Variants in ZNF445 observed in about 807,000 individuals in gnomAD.
ZNF445 encodes the protein zinc finger protein 445, also known as zinc finger protein 168.
A neutral mutation model predicts 93.9 loss-of-function variants in ZNF445; 19 were observed. The ratio of observed to expected loss-of-function variants is 0.20; its 90% CI spans 0.14 to 0.30. The LOEUF (loss-of-function observed/expected upper bound fraction) is 0.30, where lower values mean the gene tolerates loss of function less well. ZNF445 is among the 10% of genes least tolerant of loss of function. The pLI, the probability that ZNF445 is intolerant of heterozygous loss-of-function variation, is 1.00. For missense variants in ZNF445, 1,058 were observed against 1,259.4 expected, an observed-to-expected ratio of 0.84 and a Z score of 2.42; for synonymous variants, 449 against 446.3, an observed-to-expected ratio of 1.01 and a Z score of -0.08.
chr3:44,442,467 A>AG lies in ZNF445; in HGVS notation c.*4107_*4108insC, dbSNP rs1697824079. ...AGTGTGAATTATCGTTGTTCCACGC[A>AG]CTTACCCACACTTGGGCTTTCAAAA... On this transcript the variant is annotated 3_prime_UTR_variant, in exon 8 of 8. Coordinates refer to ENST00000396077, the MANE Select transcript of ZNF445 (RefSeq NM_181489.6). 6.6e-6 allele frequency: 1 copy of AG among 152,210 alleles called. No individual in the cohort carries two copies. Among genetic ancestry groups the AG allele is most frequent in the East Asian group, 1.9e-4 (1 of 5,194 alleles). 9.4% of individuals were successfully genotyped at this position (152,210 alleles called of 1,614,324 possible).
intron 6 of ZNF445, chr3:44,450,085 C>T (rs1421429251): frequency 9.6e-6 from 3 of 311,466 alleles, no homozygotes; most frequent in Non-Finnish European, 1.9e-5. Context: ...GGATTACAGG[C>T]GTGCGTACCA....
chr3:44,432,181 G>C lies in ZNF445; in HGVS notation c.*14394C>G, dbSNP rs1190734697. On this transcript the variant is annotated 3_prime_UTR_variant, in exon 8 of 8. Transcript: ENST00000396077. ...CCAAAGTGCTGAGATTACAGGCGTTGAGCCACCATGCCCAGCCCTTGAAAT... is the reference window on the plus strand; with the variant it reads ...CCAAAGTGCTGAGATTACAGGCGTTCAGCCACCATGCCCAGCCCTTGAAAT... 1 of 152,110 alleles carries C rather than the reference G, an allele frequency of 6.6e-6. No individual in the cohort carries two copies. 9.4% of individuals were successfully genotyped at this position (152,110 alleles called of 1,614,324 possible). A position where few individuals can be genotyped will look rare whatever the true frequency, so the allele number is the denominator to read the frequency against.
At chr3:44,467,397 G>A (rs1452712311) in intron 1 of ZNF445, among the ~76,000 whole-genome samples, 3 of 152,154 alleles carry the variant, frequency 2.0e-5, no homozygotes, top group Admixed American at 6.5e-5. Flanking sequence ...AAGAATCAAA[G>A]TTGACTTATA....
intron 1 of ZNF445, among the ~76,000 whole-genome samples, chr3:44,461,376 GGAGGATA>G (rs1559397591): frequency 1.6e-5 from 1 of 61,048 alleles, no homozygotes; most frequent in African/African-American, 3.9e-5. Context: ...ACCGAGAATA[GGAGGATA>G]GCTTGGTTAG....
intron 1 of ZNF445, among the ~76,000 whole-genome samples, chr3:44,473,228 C>T (rs1042249219): frequency 6.6e-6 from 1 of 151,972 alleles, no homozygotes; most frequent in African/African-American, 2.4e-5. Context: ...GAGGCTGAGG[C>T]GAGATCATCT....
intron 3 of ZNF445, among the ~76,000 whole-genome samples, chr3:44,452,615 T>A (rs1559394368): frequency 6.6e-6 from 1 of 152,212 alleles, no homozygotes; most frequent in Admixed American, 6.5e-5. Flanking sequence ...TAAAATTACA[T>A]CTAGCTGTAA....
At chr3:44,459,718 A>G (rs554145856) in intron 1 of ZNF445, among the ~76,000 whole-genome samples, 5 of 152,350 alleles carry the variant, frequency 3.3e-5, no homozygotes, top group South Asian at 2.1e-4. Context: ...ATACATATAT[A>G]TTTGGTCTAT....
rs1228604507 is a variant in ZNF445 at position 44,448,211 on chromosome 3, C to A, written c.1460G>T (p.Cys487Phe). 1.9e-6 allele frequency: 3 copies of A among 1,614,064 alleles called. No individual in the cohort carries two copies. Among genetic ancestry groups the A allele is most frequent in the Non-Finnish European group, 2.5e-6 (3 of 1,180,052 alleles). The change falls in exon 8 of 8, where the codon TGC becomes TTC. Residue 487 changes from cysteine to phenylalanine, a missense_variant. Cys to Phe is a radical substitution (Grantham distance 205). Transcript: ENST00000396077. ...ACTGAAAGTCCTTCCACAGTCACTG[C>A]ACTTAAATGACACTCCCACTGTGTG... Reference protein sequence around the residue: ...SLHTVGVSFKCSDCGRTFSHS... With the variant: ...SLHTVGVSFKFSDCGRTFSHS...
chr3:44,475,463 G>A (rs1037283209), intron 1 of ZNF445, among the ~76,000 whole-genome samples: 6 of 151,972 alleles, frequency 3.9e-5, no homozygotes, highest in African/African-American at 1.2e-4. Context: ...GCCTCCCAAA[G>A]TGCTGGGATT....
chr3:44,473,837 GAATAA>G (rs10560481), intron 1 of ZNF445, among the ~76,000 whole-genome samples: 16,526 of 151,184 alleles, frequency 0.11, 930 homozygotes, highest in Middle Eastern at 0.18. Flanking sequence ...CTAGTGCAAA[GAATAA>G]AATAAGTATC....
At position 44,455,582 on chromosome 3, in the gene ZNF445, G is replaced by A. The variant is rs373252160; in HGVS notation, c.-33C>T. ...GTTCAGGGACTAACCAGAAGAGTGCGAACCAAGTCCACCTTAGACGTGGGT... is the reference window on the plus strand; with the variant it reads ...GTTCAGGGACTAACCAGAAGAGTGCAAACCAAGTCCACCTTAGACGTGGGT... On this transcript the variant is annotated 5_prime_UTR_variant, in exon 3 of 8. Transcript: ENST00000396077. 2.4e-5 allele frequency: 37 copies of A among 1,528,900 alleles called. No homozygotes were observed. In the South Asian group the frequency reaches 2.5e-4, roughly 10 times the overall value. The allele number at this position is 1,528,900 out of a possible 1,614,324, so 94.7% of individuals were successfully genotyped here.
intron 6 of ZNF445, 27 bp downstream of exon 6, chr3:44,450,420 A>G: frequency 1.2e-6 from 2 of 1,614,086 alleles, no homozygotes; most frequent in Non-Finnish European, 8.5e-7. Flanking sequence ...AAAGATGGAT[A>G]GAAGCATGAG....
rs752468612 is a variant in ZNF445 at position 44,447,788 on chromosome 3, G to T, written c.1883C>A (p.Thr628Asn). The change falls in exon 8 of 8, where the codon ACC becomes AAC. Residue 628 changes from threonine to asparagine, a missense_variant. Transcript: ENST00000396077. The surrounding 1 kb of genome is among the most constrained non-coding windows in gnomAD (Gnocchi z 4.7). Reference protein sequence around the residue: ...IHTQEKPYKCTKCRKTFRWRS... With the variant: ...IHTQEKPYKCNKCRKTFRWRS... ...CCATCTAAAGGTTTTCCTACATTTG[G>T]TACATTTATAGGGCTTCTCCTGGGT... 4 of 1,613,968 alleles carry T rather than the reference G, an allele frequency of 2.5e-6. No homozygotes were observed. Among genetic ancestry groups the T allele is most frequent in the South Asian group, 2.2e-5 (2 of 91,074 alleles).
At chr3:44,457,617 T>C (rs146370294) in intron 2 of ZNF445, among the ~76,000 whole-genome samples, 16 of 152,200 alleles carry the variant, frequency 1.1e-4, no homozygotes, top group Admixed American at 2.6e-4. Flanking sequence ...AGGGTAGTCT[T>C]CTCACCAAAT....
At chr3:44,472,025 G>T (rs1446904044) in intron 1 of ZNF445, among the ~76,000 whole-genome samples, 4 of 152,152 alleles carry the variant, frequency 2.6e-5, no homozygotes, top group African/African-American at 7.2e-5. Flanking sequence ...ACCTGATCAG[G>T]AGAAAGCTGA....
chr3:44,449,754 G>A lies in ZNF445; in HGVS notation c.821-131C>T, dbSNP rs909226182. On this transcript the variant is annotated intron_variant, in intron 6 of 7. Coordinates refer to ENST00000396077, the MANE Select transcript of ZNF445 (RefSeq NM_181489.6). ...AAGGCAGGCAGCAGAAGCTAGCGAA[G>A]GAGGCCCAGTCATTTCAAATAGCCC... The A allele has an allele frequency of 8.8e-6, 6 of 684,104 alleles. No homozygotes were observed. The African/African-American group carries it at 1.1e-4, about 12-fold the overall frequency. 42.4% of individuals were successfully genotyped at this position (684,104 alleles called of 1,614,324 possible). A position where few individuals can be genotyped will look rare whatever the true frequency, so the allele number is the denominator to read the frequency against.
chr3:44,451,388 C>T lies in ZNF445; in HGVS notation c.524G>A (p.Ser175Asn), dbSNP rs1180029547. The change falls in exon 4 of 8, where the codon AGC (serine) becomes AAC (asparagine). Residue 175 changes from serine to asparagine, a missense_variant. Coordinates refer to ENST00000396077, the MANE Select transcript of ZNF445 (RefSeq NM_181489.6). ...CAGGTGGTCCCCCAGAGCAGAGCTG[C>T]TCCTGAGAGGTGAAGCAAGGGACCA... ...QIWSLASPLR[S>N]SSALGDHLEP... 1 of 1,614,156 alleles carries T rather than the reference C, an allele frequency of 6.2e-7. No individual in the cohort carries two copies. Among genetic ancestry groups the T allele is most frequent in the Non-Finnish European group, 8.5e-7 (1 of 1,180,014 alleles).
chr3:44,440,400 C>T lies in ZNF445; in HGVS notation c.*6175G>A, dbSNP rs963954845. On this transcript the variant is annotated 3_prime_UTR_variant, in exon 8 of 8. Coordinates refer to ENST00000396077, the MANE Select transcript of ZNF445 (RefSeq NM_181489.6). ...TATGAGTTTACAGCTTCTGGCTTCA[C>T]TTGTTATTTATTAAGCAAAATTAAG... 6.6e-6 allele frequency: 1 copy of T among 152,162 alleles called. No homozygotes were observed. The highest frequency in any genetic ancestry group is 6.5e-5 in the Admixed American group (1 of 15,286). The allele number at this position is 152,162 out of a possible 1,614,324, so 9.4% of individuals were successfully genotyped here.
chr3:44,455,168 C>A lies in ZNF445; in HGVS notation c.382G>T (p.Ala128Ser), dbSNP rs759907491. The A allele has an allele frequency of 6.2e-7, 1 of 1,614,198 alleles. No individual in the cohort carries two copies. The highest frequency in any genetic ancestry group is 8.5e-7 in the Non-Finnish European group (1 of 1,180,044). ...TCCCTCTGCAGCTCCTCCAGCAAGG[C>A]CACAGCCTCCTCGCCACTCTCAGGG... ...HNPESGEEAVALLEELQRDLD... is the reference protein window; with the variant it reads ...HNPESGEEAVSLLEELQRDLD... Residue 128 changes from alanine to serine, a missense_variant, in exon 3 of 8, where the codon GCC becomes TCC. Coordinates refer to ENST00000396077, the MANE Select transcript of ZNF445 (RefSeq NM_181489.6).
Sources: gnomAD v4.1 joint callset for allele counts (sites outside exome capture counted in the v4.1 genomes callset) on GRCh38, gnomAD v4.1.1 for gene constraint, Gnocchi (gnomAD v3.1) non-coding constraint, MANE v1.5 for transcripts, NCBI Gene and HGNC (gene_info 2026-07-23, HGNC 2026-07-21) for gene names.